PHF20: variants seen among roughly 807,000 people sequenced by gnomAD.
PHF20 encodes the protein PHD finger protein 20.
PHF20 carries 23 observed loss-of-function variants against 113.5 expected under a neutral mutation model. The observed-to-expected ratio is 0.20, with a 90% CI of 0.15 to 0.29. The LOEUF (loss-of-function observed/expected upper bound fraction) is 0.29. PHF20 is among the 10% of genes least tolerant of loss of function. The pLI is 1.00. For synonymous variants in PHF20, 434 were observed against 457.3 expected, an observed-to-expected ratio of 0.95 and a Z score of 0.65; for missense variants, 943 against 1,219.6, an observed-to-expected ratio of 0.77 and a Z score of 3.38.
chr20:35,870,752 A>T (rs2054406477), intron 7 of PHF20, among the ~76,000 whole-genome samples: 1 of 152,188 alleles, frequency 6.6e-6, no homozygotes, highest in Admixed American at 6.5e-5. Context: ...TCCTTAAAGA[A>T]GTGAAATTCT....
intron 1 of PHF20, among the ~76,000 whole-genome samples, chr20:35,794,300 CA>C (rs369191805): frequency 0.032 from 3,058 of 96,042 alleles, 37 homozygotes; most frequent in African/African-American, 0.058. Context: ...AACTCTGTCT[CA>C]AAAAAAAAAA....
At chr20:35,862,508 G>T (rs989489274) in intron 5 of PHF20, among the ~76,000 whole-genome samples, 5 of 152,154 alleles carry the variant, frequency 3.3e-5, no homozygotes, top group African/African-American at 9.7e-5. Flanking sequence ...CAGGAGGATT[G>T]CTTGAGCCCA....
chr20:35,878,720 A>G (rs2054574585), intron 9 of PHF20: 2 of 762,812 alleles, frequency 2.6e-6, no homozygotes, highest in Admixed American at 3.6e-5. Context: ...TTCTGGGCAA[A>G]ACCTAAGCCT....
intron 3 of PHF20, among the ~76,000 whole-genome samples, chr20:35,843,521 CAA>C (rs766671833): frequency 0.012 from 635 of 53,140 alleles, 2 homozygotes; most frequent in African/African-American, 0.039. Context: ...TATTCCATCT[CAA>C]AAAAAAAAAA....
chr20:35,836,750 G>A (rs998388280), intron 2 of PHF20, among the ~76,000 whole-genome samples: 2 of 151,744 alleles, frequency 1.3e-5, no homozygotes, highest in Admixed American at 6.6e-5. Context: ...AGGCTGAGGC[G>A]GGAGAATGGC....
chr20:35,804,764 C>G (rs1425605974), intron 2 of PHF20, among the ~76,000 whole-genome samples: 3 of 151,994 alleles, frequency 2.0e-5, no homozygotes, highest in Non-Finnish European at 4.4e-5. Context: ...GTGTGAATGT[C>G]TCTTTGTGCA....
chr20:35,850,810 T>A, intron 4 of PHF20: 1 of 994,884 alleles, frequency 1.0e-6, no homozygotes, highest in East Asian at 2.8e-5. Flanking sequence ...TTACCATATT[T>A]GTTATGAAAA....
intron 2 of PHF20, among the ~76,000 whole-genome samples, chr20:35,835,719 C>T (rs1485804173): frequency 6.6e-6 from 1 of 152,110 alleles, no homozygotes; most frequent in Non-Finnish European, 1.5e-5. Flanking sequence ...CACTTGAGGT[C>T]AGGAGTTTGA....
chr20:35,824,180 C>T (rs1198113126), intron 2 of PHF20, among the ~76,000 whole-genome samples: 1 of 152,158 alleles, frequency 6.6e-6, no homozygotes, highest in African/African-American at 2.4e-5. Context: ...GCATTTCCAC[C>T]AGGAATGTCA....
chr20:35,845,237 A>AT (rs999047329), intron 3 of PHF20: 1 of 147,392 alleles, frequency 6.8e-6, no homozygotes, highest in Admixed American at 6.8e-5. Context: ...AGTTTGTTTT[A>AT]TTTTTTTAAT....
chr20:35,844,724 T>G (rs768315585), intron 3 of PHF20, among the ~76,000 whole-genome samples: 32 of 152,094 alleles, frequency 2.1e-4, no homozygotes, highest in Non-Finnish European at 3.2e-4. Context: ...AGCCCTAATT[T>G]AGAATATTTT....
intron 1 of PHF20, among the ~76,000 whole-genome samples, chr20:35,787,873 G>T (rs1406360506): frequency 2.0e-5 from 1 of 48,988 alleles, no homozygotes; most frequent in South Asian, 6.6e-4. Flanking sequence ...CTCCGCCTGG[G>T]TTCAAGTGAT....
chr20:35,884,454 C>A (rs1167400143), intron 9 of PHF20, among the ~76,000 whole-genome samples: 1 of 152,152 alleles, frequency 6.6e-6, no homozygotes, highest in Non-Finnish European at 1.5e-5. Context: ...GGAATGAGTG[C>A]TCAGTGATTT....
intron 16 of PHF20, 61 bp downstream of exon 16, chr20:35,939,169 C>T: frequency 6.9e-7 from 1 of 1,453,628 alleles, no homozygotes; most frequent in Non-Finnish European, 9.3e-7. Context: ...AGTTATCCTC[C>T]TAGTTTGAAT....
chr20:35,815,757 G>GCCCAGC (rs2042062950), intron 2 of PHF20, among the ~76,000 whole-genome samples: 1 of 150,428 alleles, frequency 6.6e-6, no homozygotes, highest in South Asian at 2.1e-4. Context: ...CAGCCACCGC[G>GCCCAGC]CCTGGCATGC....
intron 2 of PHF20, among the ~76,000 whole-genome samples, chr20:35,807,463 C>T (rs1409596902): frequency 1.3e-5 from 2 of 151,632 alleles, no homozygotes. Context: ...AGCAGTTCTC[C>T]CTGCCTCAGA....
intron 13 of PHF20, among the ~76,000 whole-genome samples, chr20:35,926,538 C>T (rs1207245404): frequency 1.3e-5 from 2 of 151,858 alleles, no homozygotes; most frequent in Non-Finnish European, 2.9e-5. Context: ...CGCGCCCGGC[C>T]GACAGACTTT....
chr20:35,801,377 G>C, intron 1 of PHF20, 114 bp from the exon 2 acceptor site: 1 of 574,634 alleles, frequency 1.7e-6, no homozygotes, highest in Non-Finnish European at 3.1e-6. Context: ...CACCAACAGG[G>C]TTTCATGGAG....
chr20:35,922,313 A>T (rs913981595), intron 13 of PHF20, among the ~76,000 whole-genome samples: 1 of 152,244 alleles, frequency 6.6e-6, no homozygotes, highest in Admixed American at 6.5e-5. Flanking sequence ...ATCAAAAGGC[A>T]TAAGTTTAGA....
Sources: gnomAD v4.1 joint callset for allele counts (sites outside exome capture counted in the v4.1 genomes callset) on GRCh38, gnomAD v4.1.1 for gene constraint, MANE v1.5 for transcripts, NCBI Gene and HGNC (gene_info 2026-07-23, HGNC 2026-07-21) for gene names.